CUBN: variants seen among roughly 807,000 people sequenced by gnomAD.
CUBN encodes the protein 460 kDa receptor.
In CUBN, 282 loss-of-function variants were observed where a neutral mutation model predicts 405.3. That is an observed-to-expected ratio of 0.70 (90% CI 0.63 to 0.77). CUBN has a LOEUF of 0.77. Ranked by LOEUF, CUBN falls within the 30% of genes least tolerant of loss-of-function variation. The probability of loss-of-function intolerance (pLI) is 0.00; values close to 1 mark genes in which losing one functional copy is unlikely to be tolerated. For missense variants in CUBN, 4,514 were observed against 4,475.2 expected (o/e 1.01, Z -0.25); for synonymous variants, 1,684 against 1,617.0 (o/e 1.04, Z -0.99).
intron 21 of CUBN, among the ~76,000 whole-genome samples, chr10:17,066,612 T>C (rs899907970): frequency 2.0e-5 from 3 of 152,114 alleles, no homozygotes; most frequent in African/African-American, 7.2e-5. Context: ...TATGCCCATG[T>C]ATATGAAATT....
chr10:17,025,504 C>CA (rs901919872), intron 27 of CUBN, among the ~76,000 whole-genome samples: 38 of 152,170 alleles, frequency 2.5e-4, no homozygotes, highest in African/African-American at 8.0e-4. Flanking sequence ...ATATTGTTGC[C>CA]AACAGCAAAT....
Position 17,065,613 on chromosome 10 carries a change from A to C in CUBN, c.3034T>G (p.Ser1012Ala), listed in dbSNP as rs1835597543. 6.2e-7 allele frequency: 1 copy of C among 1,613,458 alleles called. No individual in the cohort carries two copies. Among genetic ancestry groups the C allele is most frequent in the South Asian group, 1.1e-5 (1 of 91,076 alleles). The change falls in exon 22 of 67, where the codon TCT (serine) becomes GCT (alanine). Residue 1012 changes from serine (S) to alanine (A), a missense_variant. Coordinates refer to ENST00000377833, the MANE Select transcript of CUBN (RefSeq NM_001081.4). The stretch of plus-strand genomic sequence containing the variant: ...AATGAGTTACCACTGCTTGTGAGAG[A>C]TGGCGGGATCGACTTTCCACAGTAT... ...GRYCGKSIPP[S>A]LTSSGNSLML...
intron 28 of CUBN, among the ~76,000 whole-genome samples, chr10:17,015,327 G>A (rs1412359039): frequency 6.6e-6 from 1 of 152,100 alleles, no homozygotes; most frequent in Non-Finnish European, 1.5e-5. Context: ...AAACAAATGG[G>A]TAAATTGTTC....
At chr10:16,842,367 C>T (rs540776577) in intron 60 of CUBN, among the ~76,000 whole-genome samples, 1 of 152,290 alleles carries the variant, frequency 6.6e-6, no homozygotes, top group South Asian at 2.1e-4. Flanking sequence ...AAAGTGTCTG[C>T]ACGTGAGAGG....
At chr10:16,832,193 G>A (rs1336424118) in intron 64 of CUBN, among the ~76,000 whole-genome samples, 2 of 152,152 alleles carry the variant, frequency 1.3e-5, no homozygotes, top group Non-Finnish European at 2.9e-5. Context: ...GCTTCCAGGA[G>A]GGCTCTCGAC....
intron 4 of CUBN, among the ~76,000 whole-genome samples, chr10:17,125,701 C>T (rs538787893): frequency 6.9e-4 from 105 of 152,284 alleles, no homozygotes; most frequent in African/African-American, 2.0e-3. Flanking sequence ...TATCCAAAGG[C>T]ACAAAGCATT....
In CUBN at chr10:17,109,739, A is replaced by T. The variant is rs759537370; in HGVS notation, c.1016-4T>A. The T allele has an allele frequency of 1.9e-6, 3 of 1,612,136 alleles. No individual in the cohort carries two copies. Among genetic ancestry groups the T allele is most frequent in the Non-Finnish European group, 2.5e-6 (3 of 1,178,442 alleles). Reference sequence around the variant, plus strand: ...ACTCTTCCGTCACCCTGGTACCCTGATGAGAACAAGAGCCAGGTCATAAGA... The same window carrying T: ...ACTCTTCCGTCACCCTGGTACCCTGTTGAGAACAAGAGCCAGGTCATAAGA... On this transcript the variant is annotated splice_polypyrimidine_tract_variant and splice_region_variant and intron_variant, in intron 9 of 66. Transcript: ENST00000377833.
intron 28 of CUBN, among the ~76,000 whole-genome samples, chr10:17,001,544 C>T (rs1588568982): frequency 1.3e-5 from 2 of 152,312 alleles, no homozygotes; most frequent in East Asian, 1.9e-4. Context: ...AAAAGTTCTC[C>T]GAGTCCCCAC....
At chr10:16,920,897 C>G (rs1184398971) in intron 43 of CUBN, among the ~76,000 whole-genome samples, 2 of 152,198 alleles carry the variant, frequency 1.3e-5, no homozygotes, top group African/African-American at 4.8e-5. Flanking sequence ...CACTCATCCA[C>G]TTACAGTCAC....
At chr10:17,056,907 A>G (rs927436777) in intron 22 of CUBN, among the ~76,000 whole-genome samples, 1 of 152,204 alleles carries the variant, frequency 6.6e-6, no homozygotes, top group Non-Finnish European at 1.5e-5. Context: ...ACACCTCACA[A>G]AAGAAAATAA....
At chr10:17,105,357 C>A (rs1203661989) in intron 11 of CUBN, 100 bp downstream of exon 11, 6 of 803,436 alleles carry the variant, frequency 7.5e-6, no homozygotes, top group Admixed American at 1.7e-5. Flanking sequence ...TGAAACTTGA[C>A]TCATTATCTT....
intron 59 of CUBN, 58 bp downstream of exon 59, chr10:16,869,578 A>T: frequency 8.1e-7 from 1 of 1,230,592 alleles, no homozygotes; most frequent in Non-Finnish European, 1.2e-6. Flanking sequence ...CGGGGAAATT[A>T]AATAAAGCAG....
intron 65 of CUBN, 96 bp downstream of exon 65, chr10:16,831,156 C>G (rs1203681913): frequency 1.9e-6 from 2 of 1,029,566 alleles, no homozygotes; most frequent in African/African-American, 3.2e-5. Context: ...ATCAGGTACA[C>G]AGGTAGCTAA....
intron 57 of CUBN, 66 bp downstream of exon 57, chr10:16,876,831 A>G: frequency 7.2e-7 from 1 of 1,392,052 alleles, no homozygotes; most frequent in Non-Finnish European, 1.0e-6. Context: ...AATCGCAGTG[A>G]AAACTCTTTG....
intron 56 of CUBN, among the ~76,000 whole-genome samples, chr10:16,885,335 A>G (rs1840781476): frequency 6.6e-6 from 1 of 152,204 alleles, no homozygotes; most frequent in Non-Finnish European, 1.5e-5. Flanking sequence ...ACCATCTTAG[A>G]AAAGAATCAG....
intron 59 of CUBN, 106 bp downstream of exon 59, chr10:16,869,530 G>A: frequency 1.2e-6 from 1 of 848,664 alleles, no homozygotes; most frequent in Non-Finnish European, 1.9e-6. Context: ...TAAGCTTCAA[G>A]GAAAAGCAAT....
At chr10:16,875,586 C>A (rs776935870) in intron 57 of CUBN, among the ~76,000 whole-genome samples, 2 of 152,092 alleles carry the variant, frequency 1.3e-5, no homozygotes, top group Non-Finnish European at 2.9e-5. Flanking sequence ...GTGTTCAGAC[C>A]CCCAGGTCCA....
At position 17,068,183 on chromosome 10, in the gene CUBN, T is replaced by C; in HGVS notation, c.2889A>G (p.Leu963=). 1 of 1,613,802 alleles carries C rather than the reference T, an allele frequency of 6.2e-7. No homozygotes were observed. The highest frequency in any genetic ancestry group is 2.2e-5 in the East Asian group (1 of 44,868). The change falls in exon 21 of 67, where the codon TTA becomes TTG. Residue 963 remains leucine, a synonymous_variant. Coordinates refer to ENST00000377833, the MANE Select transcript of CUBN (RefSeq NM_001081.4). ...PHGINCTWHI[L]VQPNHLIHLM... Reference sequence around the variant, plus strand: ...AATGAATCAGGTGATTAGGTTGGACTAATATATGCCAAGTACAGTTGATAC... The same window carrying C: ...AATGAATCAGGTGATTAGGTTGGACCAATATATGCCAAGTACAGTTGATAC...
chr10:17,110,793 G>A (rs1482424389), intron 9 of CUBN, 126 bp downstream of exon 9: 2 of 1,412,568 alleles, frequency 1.4e-6, no homozygotes, highest in Non-Finnish European at 2.0e-6. Context: ...AAAGTGCTGG[G>A]ATTACAGGCA....
Sources: gnomAD v4.1 joint callset for allele counts (sites outside exome capture counted in the v4.1 genomes callset) on GRCh38, gnomAD v4.1.1 for gene constraint, MANE v1.5 for transcripts, NCBI Gene and HGNC (gene_info 2026-07-23, HGNC 2026-07-21) for gene names.